The following COL5A2 variants were observed in gnomAD, a reference collection of about 807,000 sequenced individuals.
COL5A2 encodes the protein collagen alpha-2(V) chain.
COL5A2 carries 23 observed loss-of-function variants against 208.2 expected under a neutral mutation model. That is an observed-to-expected ratio of 0.11 (90% CI 0.08 to 0.16). The LOEUF is 0.16. COL5A2 is among the 10% of genes least tolerant of loss of function. The pLI is 1.00. For synonymous variants in COL5A2, 625 were observed against 628.5 expected (o/e 0.99, Z 0.08); for missense variants, 1,590 against 1,956.4 (o/e 0.81, Z 3.53).
chr2:189,322,439 A>C, the COL5A2 span, among the ~76,000 whole-genome samples: 1 of 152,218 alleles, frequency 6.6e-6, no homozygotes, highest in African/African-American at 2.4e-5. Context: ...AGCAAGACTA[A>C]TAAAGAAGAA....
the COL5A2 span, among the ~76,000 whole-genome samples, chr2:189,437,556 G>A: frequency 1.3e-5 from 2 of 152,196 alleles, no homozygotes; most frequent in African/African-American, 2.4e-5. Flanking sequence ...CAGAAAAGGT[G>A]TAATTATAAC....
chr2:189,440,264 C>T, the COL5A2 span, among the ~76,000 whole-genome samples: 1 of 152,196 alleles, frequency 6.6e-6, no homozygotes, highest in Non-Finnish European at 1.5e-5. Context: ...TCATGTGTGG[C>T]TTAATGATGG....
chr2:189,050,495 A>C (rs1685761193), intron 43 of COL5A2, 74 bp downstream of exon 43: 1 of 1,277,158 alleles, frequency 7.8e-7, no homozygotes, highest in South Asian at 1.3e-5. Flanking sequence ...ATCAAGCAAA[A>C]AAAATAAAAT....
At chr2:189,105,629 A>G (rs1337886774) in intron 2 of COL5A2, among the ~76,000 whole-genome samples, 1 of 151,396 alleles carries the variant, frequency 6.6e-6, no homozygotes, top group Non-Finnish European at 1.5e-5. Flanking sequence ...AGTTGCAAAC[A>G]TTTCTACTTT....
chr2:189,403,612 G>C, the COL5A2 span, among the ~76,000 whole-genome samples: 1 of 152,098 alleles, frequency 6.6e-6, no homozygotes, highest in Non-Finnish European at 1.5e-5. Context: ...AGTTTATAGA[G>C]AATTTTTAAC....
chr2:189,243,328 C>T, the COL5A2 span, among the ~76,000 whole-genome samples: 2 of 152,206 alleles, frequency 1.3e-5, no homozygotes, highest in Middle Eastern at 3.4e-3. Flanking sequence ...CATTTTCATG[C>T]TGCCAATAAA....
At chr2:189,384,836 G>A in the COL5A2 span, among the ~76,000 whole-genome samples, 6 of 151,976 alleles carry the variant, frequency 3.9e-5, no homozygotes, top group African/African-American at 1.2e-4. Context: ...CCAATGTTCT[G>A]TATTTTAAGG....
At chr2:189,100,255 T>G in intron 3 of COL5A2, 116 bp from the exon 4 acceptor site, 2 of 768,306 alleles carry the variant, frequency 2.6e-6, no homozygotes, top group Non-Finnish European at 4.5e-6. Flanking sequence ...ATGTAAGAAA[T>G]GCAAAAAACT....
chr2:189,244,743 T>C, the COL5A2 span, among the ~76,000 whole-genome samples: 2 of 152,244 alleles, frequency 1.3e-5, no homozygotes, highest in Non-Finnish European at 2.9e-5. Context: ...AGTTCCAAAG[T>C]TGCTTCCACA....
intron 18 of COL5A2, 58 bp downstream of exon 18, chr2:189,071,982 T>C (rs1576507798): frequency 8.8e-7 from 1 of 1,142,412 alleles, no homozygotes; most frequent in East Asian, 2.4e-5. Flanking sequence ...CATTCTTCAC[T>C]TTGGGACTCA....
the COL5A2 span, among the ~76,000 whole-genome samples, chr2:189,343,892 A>G: frequency 1.3e-5 from 2 of 152,222 alleles, no homozygotes; most frequent in African/African-American, 2.4e-5. Context: ...AGAGACAAAT[A>G]TAAAACGTAG....
At chr2:189,391,911 T>C in the COL5A2 span, among the ~76,000 whole-genome samples, 1 of 152,138 alleles carries the variant, frequency 6.6e-6, no homozygotes, top group Non-Finnish European at 1.5e-5. Context: ...TGCATCTCAA[T>C]ATTATTAAGT....
chr2:189,036,567 A>G lies in COL5A2; in HGVS notation c.4113+49T>C, dbSNP rs1212293008. 2.1e-6 allele frequency: 3 copies of G among 1,445,418 alleles called. No homozygotes were observed. The African/African-American group carries it at 4.3e-5, about 21-fold the overall frequency. 89.5% of individuals were successfully genotyped at this position (1,445,418 alleles called of 1,614,324 possible). A position where few individuals can be genotyped will look rare whatever the true frequency, so the allele number is the denominator to read the frequency against. The stretch of plus-strand genomic sequence containing the variant: ...CCTAAATAAATCAAAAATATGTAAT[A>G]AGTAGTAAAAAGTAAAGAATACAAT... On this transcript the variant is annotated intron_variant, in intron 52 of 53. Transcript: ENST00000374866.
chr2:189,117,682 T>A (rs541540321), intron 1 of COL5A2, among the ~76,000 whole-genome samples: 1 of 152,180 alleles, frequency 6.6e-6, no homozygotes, highest in Admixed American at 6.5e-5. Flanking sequence ...AAATTGCACA[T>A]GACTACACAC....
the COL5A2 span, among the ~76,000 whole-genome samples, chr2:189,366,412 G>C: frequency 1.3e-5 from 2 of 152,170 alleles, no homozygotes; most frequent in Non-Finnish European, 2.9e-5. Context: ...CTGGGAGAAA[G>C]GTACCATTGA....
the COL5A2 span, among the ~76,000 whole-genome samples, chr2:189,295,403 T>C: frequency 6.6e-6 from 1 of 152,158 alleles, no homozygotes; most frequent in South Asian, 2.1e-4. Flanking sequence ...AGGTCAGGAG[T>C]TCGAGACCAG....
chr2:189,054,338 A>G (rs1685855756), intron 35 of COL5A2, 126 bp from the exon 36 acceptor site: 10 of 700,796 alleles, frequency 1.4e-5, no homozygotes, highest in South Asian at 1.1e-4. Flanking sequence ...GCAAATCATT[A>G]TCTATAATAA....
chr2:189,341,708 A>G, the COL5A2 span, among the ~76,000 whole-genome samples: 4 of 152,136 alleles, frequency 2.6e-5, no homozygotes, highest in Non-Finnish European at 5.9e-5. Context: ...ACTTATACAT[A>G]TTTTGTTTTT....
At chr2:189,293,060 C>T in the COL5A2 span, among the ~76,000 whole-genome samples, 1 of 150,708 alleles carries the variant, frequency 6.6e-6, no homozygotes, top group Admixed American at 6.6e-5. Flanking sequence ...ACAATGAGAA[C>T]ACATGGACAC....
Sources: gnomAD v4.1 joint callset for allele counts (sites outside exome capture counted in the v4.1 genomes callset) on GRCh38, gnomAD v4.1.1 for gene constraint, MANE v1.5 for transcripts, NCBI Gene and HGNC (gene_info 2026-07-23, HGNC 2026-07-21) for gene names.